ENO4: variants seen among roughly 807,000 people sequenced by gnomAD.
ENO4 encodes 2-phospho-D-glycerate hydro-lyase.
ENO4 carries 53 observed loss-of-function variants against 63.2 expected under a neutral mutation model. The observed-to-expected ratio is 0.84, with a 90% CI of 0.67 to 1.05. The LOEUF (loss-of-function observed/expected upper bound fraction) is 1.05. Among genes scored for constraint, ENO4 ranks in the 50% least tolerant of loss-of-function variants. ENO4 has a pLI of 0.00. For missense variants in ENO4, 719 were observed against 772.0 expected, an observed-to-expected ratio of 0.93 and a Z score of 0.81; for synonymous variants, 266 against 283.8, an observed-to-expected ratio of 0.94 and a Z score of 0.63.
At chr10:116,906,869 T>C (rs1334251786) in intron 10 of ENO4, 1 of 769,876 alleles carries the variant, frequency 1.3e-6, no homozygotes, top group African/African-American at 1.8e-5. Flanking sequence ...ACAAAATGAA[T>C]TTGCTATATA....
chr10:116,901,933 G>C, intron 10 of ENO4: 1 of 1,601,884 alleles, frequency 6.2e-7, no homozygotes. Flanking sequence ...TTTGGACTCT[G>C]AGGTGGCTAA....
At chr10:116,859,232 C>T (rs1185146849) in intron 4 of ENO4, 94 bp downstream of exon 4, 7 of 1,381,680 alleles carry the variant, frequency 5.1e-6, no homozygotes, top group Non-Finnish European at 6.6e-6. Context: ...CTCTTGGCTA[C>T]AGGCCTACTT....
chr10:116,863,238 C>T (rs1846462352), intron 7 of ENO4, among the ~76,000 whole-genome samples: 1 of 152,158 alleles, frequency 6.6e-6, no homozygotes, highest in African/African-American at 2.4e-5. Context: ...CTCTTAGGGG[C>T]AGTCACAGAC....
chr10:116,866,318 G>A (rs1846546086), intron 7 of ENO4, among the ~76,000 whole-genome samples: 1 of 152,182 alleles, frequency 6.6e-6, no homozygotes, highest in East Asian at 1.9e-4. Flanking sequence ...AAGCAGTAAA[G>A]CACTTAGAGA....
At chr10:116,877,110 T>C (rs1292738093) in intron 11 of ENO4, among the ~76,000 whole-genome samples, 1 of 152,028 alleles carries the variant, frequency 6.6e-6, no homozygotes, top group Non-Finnish European at 1.5e-5. Context: ...GTGTTCAAGC[T>C]AAGAAAAATA....
intron 10 of ENO4, 140 bp downstream of exon 10, chr10:116,874,341 C>A: frequency 1.1e-6 from 1 of 879,664 alleles, no homozygotes; most frequent in Non-Finnish European, 1.6e-6. Flanking sequence ...GGATCGTTGT[C>A]ATTCAAAATG....
intron 13 of ENO4, among the ~76,000 whole-genome samples, chr10:116,880,218 C>T (rs545200474): frequency 1.3e-5 from 2 of 152,288 alleles, no homozygotes; most frequent in Admixed American, 6.5e-5. Flanking sequence ...ATAGGCTGCA[C>T]GATGCTCTTC....
chr10:116,910,891 CAAACT>C (rs1322159261), intron 10 of ENO4, among the ~76,000 whole-genome samples: 1 of 152,204 alleles, frequency 6.6e-6, no homozygotes, highest in East Asian at 1.9e-4. Flanking sequence ...AAAACTAAAG[CAAACT>C]AATTAAGCCA....
At chr10:116,852,451 A>C (rs138497674) in intron 1 of ENO4, among the ~76,000 whole-genome samples, 1 of 152,296 alleles carries the variant, frequency 6.6e-6, no homozygotes, top group African/African-American at 2.4e-5. Flanking sequence ...TTTGATTCTT[A>C]TCTCTGCCAC....
chr10:116,886,022 G>A (rs1463363890), downstream of ENO4: 2 of 280,152 alleles, frequency 7.1e-6, no homozygotes, highest in African/African-American at 4.4e-5. Context: ...CATTTGATGA[G>A]TGGTATGCAC....
At chr10:116,907,002 A>T (rs1001394137) in intron 10 of ENO4, among the ~76,000 whole-genome samples, 3 of 152,218 alleles carry the variant, frequency 2.0e-5, no homozygotes, top group Admixed American at 2.0e-4. Flanking sequence ...CACTTCTGGA[A>T]GAGGTGACTA....
intron 7 of ENO4, among the ~76,000 whole-genome samples, chr10:116,867,421 C>A (rs865807661): frequency 5.2e-4 from 72 of 137,664 alleles, no homozygotes; most frequent in Non-Finnish European, 7.1e-4. Flanking sequence ...AAATATTTAC[C>A]AAAAAAAAAA....
At chr10:116,903,357 AC>A (rs1206228392) in intron 10 of ENO4, among the ~76,000 whole-genome samples, 3 of 151,994 alleles carry the variant, frequency 2.0e-5, no homozygotes, top group Non-Finnish European at 4.4e-5. Flanking sequence ...ACATGGTGAA[AC>A]CCTGTCTCTA....
chr10:116,859,051 G>T lies in ENO4; in HGVS notation c.547G>T (p.Glu183Ter). 1 of 1,535,674 alleles carries T rather than the reference G, an allele frequency of 6.5e-7. No homozygotes were observed. The highest frequency in any genetic ancestry group is 8.7e-7 in the Non-Finnish European group (1 of 1,146,726). The change falls in exon 4 of 14, where the codon GAA (glutamate) becomes TAA (stop). Residue 183 changes from glutamate to a stop codon, truncating the protein, a stop_gained. Coordinates refer to ENST00000341276, the MANE Select transcript of ENO4 (RefSeq NM_001242699.2). LOFTEE classifies it high-confidence loss of function. ...KGRKELEKSL[E>*]YSTVPTPLPP... ...GAGAAAAGAATTGGAAAAGAGCCTG[G>T]AATACTCAACAGTGCCTACACCTCT... is the stretch of plus-strand genomic sequence containing the variant.
intron 10 of ENO4, among the ~76,000 whole-genome samples, chr10:116,899,482 A>T (rs1172246568): frequency 3.4e-5 from 5 of 147,340 alleles, no homozygotes; most frequent in Admixed American, 3.4e-4. Flanking sequence ...TGGAGGGGGA[A>T]GGGAAGTTAG....
downstream of ENO4, chr10:116,886,685 A>G: frequency 7.4e-7 from 1 of 1,352,314 alleles, no homozygotes; most frequent in Non-Finnish European, 1.0e-6. Flanking sequence ...ATCAACATGC[A>G]TATAGTAGTC....
chr10:116,879,869 G>T lies in ENO4; in HGVS notation c.1606G>T (p.Ala536Ser), dbSNP rs1243958827. 3 of 1,549,204 alleles carry T rather than the reference G, an allele frequency of 1.9e-6. No homozygotes were observed. In the African/African-American group the frequency reaches 4.1e-5, roughly 21 times the overall value. The change falls in exon 13 of 14, where the codon GCT becomes TCT. Residue 536 changes from alanine to serine, a missense_variant and splice_region_variant. By Grantham distance (99) the Ala-to-Ser change is moderately conservative. Around this residue, in one of 3 missense-constraint regions of ENO4, gnomAD observed 168 missense variants for 163.3 expected, o/e 1.03. Transcript: ENST00000341276. ...ESSDDSLVDL[A>S]VGLGVRFIKL... Reference sequence around the variant, plus strand: ...AAATTAGTTTTTTCCCCCCTTTCAGGCTGTTGGGCTTGGTGTCCGGTTCAT... The same window carrying T: ...AAATTAGTTTTTTCCCCCCTTTCAGTCTGTTGGGCTTGGTGTCCGGTTCAT...
intron 7 of ENO4, among the ~76,000 whole-genome samples, 160 bp downstream of exon 7, chr10:116,863,012 G>T (rs1846456133): frequency 6.6e-6 from 1 of 152,184 alleles, no homozygotes; most frequent in African/African-American, 2.4e-5. Context: ...CATGTCCTCA[G>T]TGGCTATGGA....
At chr10:116,900,668 C>A in intron 10 of ENO4, 1 of 1,479,010 alleles carries the variant, frequency 6.8e-7, no homozygotes, top group South Asian at 1.4e-5. Context: ...TTGTTGATGT[C>A]AAATTAGGTG....
Sources: allele counts gnomAD v4.1 joint callset (sites outside exome capture counted in the v4.1 genomes callset), GRCh38; gene constraint gnomAD v4.1.1; regional missense constraint gnomAD v4.1.1; transcripts MANE v1.5; gene names NCBI Gene and HGNC (gene_info 2026-07-23, HGNC 2026-07-21).